GOLM1: variants seen among roughly 807,000 people sequenced by gnomAD.
GOLM1 encodes the protein golgi membrane protein 1.
Under a neutral mutation model 50.5 loss-of-function variants are expected in GOLM1, and 31 were observed. The ratio of observed to expected loss-of-function variants is 0.61; its 90% confidence interval spans 0.46 to 0.83. The LOEUF (loss-of-function observed/expected upper bound fraction) is 0.83. Among genes scored for constraint, GOLM1 ranks in the 40% least tolerant of loss-of-function variants. GOLM1 has a pLI of 0.00. For synonymous variants in GOLM1, 178 were observed against 192.8 expected (o/e 0.92, Z 0.64); for missense variants, 491 against 501.3 (o/e 0.98, Z 0.20).
chr9:86,095,986 T>C (rs915610277), intron 1 of GOLM1, among the ~76,000 whole-genome samples: 3 of 152,240 alleles, frequency 2.0e-5, no homozygotes, highest in African/African-American at 4.8e-5. Context: ...TGCATGAATT[T>C]TGGTGAGTTG....
chr9:86,035,764 G>C, intron 7 of GOLM1, 139 bp from the exon 8 acceptor site: 2 of 702,408 alleles, frequency 2.8e-6, no homozygotes, highest in Non-Finnish European at 2.3e-6. Context: ...GCACACAGGA[G>C]AACAACCAGG....
chr9:86,083,741 A>C (rs1054029619), intron 1 of GOLM1, among the ~76,000 whole-genome samples: 1 of 152,218 alleles, frequency 6.6e-6, no homozygotes. Context: ...GGAACTGTAC[A>C]TCCATCTCTG....
rs369731850 is a variant in GOLM1 at position 86,033,802 on chromosome 9, GAGA to G, written c.1016-410_1016-408del. On this transcript the variant is annotated intron_variant, in intron 8 of 9. Transcript: ENST00000388712. ...ATGGAGCTGCCACTGTGAGACACGTGAGAAGGTGTCCCTCATACTTAGAGCATG... is the reference window on the plus strand; with the variant it reads ...ATGGAGCTGCCACTGTGAGACACGTGAGGTGTCCCTCATACTTAGAGCATG... 1.2e-3 allele frequency among the ~76,000 whole-genome samples: 186 copies of G among 152,276 alleles called. 4 individuals are homozygous for G. In the South Asian group the frequency reaches 0.032, roughly 26 times the overall value.
At chr9:86,062,066 C>G (rs1834174539) in intron 3 of GOLM1, among the ~76,000 whole-genome samples, 1 of 152,182 alleles carries the variant, frequency 6.6e-6, no homozygotes, top group Admixed American at 6.5e-5. Flanking sequence ...GTAGGACACA[C>G]AGACACAGTT....
chr9:86,079,269 G>A lies in GOLM1; in HGVS notation c.52C>T (p.Leu18=), dbSNP rs1834716338. The A allele has an allele frequency of 1.2e-6, 2 of 1,610,162 alleles. No homozygotes were observed. The highest frequency in any genetic ancestry group is 3.4e-5 in the Admixed American group (2 of 59,700). ...ATGATGCAGGCCACCAGGGCGGCCAGCACGAGGGGCGGCGACTTCATGCTG... is the reference window on the plus strand; with the variant it reads ...ATGATGCAGGCCACCAGGGCGGCCAACACGAGGGGCGGCGACTTCATGCTG... The part of the protein sequence containing the change: ...RRSMKSPPLV[L]AALVACIIVL... The change falls in exon 2 of 10, where the codon CTG becomes TTG. Residue 18 remains leucine, a synonymous_variant. Transcript: ENST00000388712.
At chr9:86,060,843 A>C (rs1428644981) in intron 3 of GOLM1, among the ~76,000 whole-genome samples, 2 of 130,546 alleles carry the variant, frequency 1.5e-5, no homozygotes, top group Non-Finnish European at 1.6e-5. Context: ...GTGCCATTGC[A>C]CTCCAGCCTG....
chr9:86,031,485 G>C (rs1218004675), intron 9 of GOLM1, among the ~76,000 whole-genome samples: 2 of 133,590 alleles, frequency 1.5e-5, no homozygotes, highest in Admixed American at 1.6e-4. Context: ...CCCCGAGACG[G>C]AGTTTCACTC....
chr9:86,063,396 C>A (rs929746523), intron 3 of GOLM1, among the ~76,000 whole-genome samples: 1 of 152,102 alleles, frequency 6.6e-6, no homozygotes, highest in Non-Finnish European at 1.5e-5. Context: ...CTCCCACCTG[C>A]GGAAGAGGAG....
chr9:86,055,880 C>T (rs1436823802), intron 3 of GOLM1, among the ~76,000 whole-genome samples: 1 of 152,130 alleles, frequency 6.6e-6, no homozygotes, highest in African/African-American at 2.4e-5. Flanking sequence ...CGTGAATATC[C>T]TTCACATCAC....
At position 86,028,805 on chromosome 9, in the gene GOLM1, T is replaced by A. The variant is rs145035207; in HGVS notation, c.1130-912A>T. On this transcript the variant is annotated intron_variant, in intron 9 of 9. Transcript: ENST00000388712. ...TGTGGGGCACTGAAGAAGAAAGCCA[T>A]ACCCCCATTGCATGCCCTGTGAAGG... Among the ~76,000 whole-genome samples the A allele has an allele frequency of 5.2e-4, 78 of 150,736 alleles. 1 individual carries two copies. The East Asian group carries it at 0.014, about 27-fold the overall frequency.
intron 1 of GOLM1, among the ~76,000 whole-genome samples, chr9:86,085,884 C>T (rs187759128): frequency 6.6e-6 from 1 of 152,262 alleles, no homozygotes; most frequent in Admixed American, 6.5e-5. Context: ...CACTGATGGG[C>T]ATTTGGGTTG....
At chr9:86,039,244 AAAC>A (rs1355683226) in intron 6 of GOLM1, among the ~76,000 whole-genome samples, 1 of 152,220 alleles carries the variant, frequency 6.6e-6, no homozygotes, top group East Asian at 1.9e-4. Context: ...ATGCAAACCC[AAAC>A]AACGAGCTGC....
chr9:86,033,236 G>T, intron 9 of GOLM1, 46 bp downstream of exon 9: 1 of 1,038,738 alleles, frequency 9.6e-7, no homozygotes, highest in Non-Finnish European at 1.5e-6. Context: ...GACCAGGAAA[G>T]AGAAATGAAA....
At chr9:86,036,765 C>A in intron 6 of GOLM1, 2 of 468,076 alleles carry the variant, frequency 4.3e-6, no homozygotes. Context: ...TGAGAGGAAG[C>A]ATTTACGGAA....
chr9:86,037,436 CTCA>C (rs1587698158), intron 6 of GOLM1, among the ~76,000 whole-genome samples: 3 of 118,106 alleles, frequency 2.5e-5, no homozygotes, highest in South Asian at 5.9e-4. Context: ...GAGACTGTCT[CTCA>C]AAAAAAAAAA....
intron 1 of GOLM1, among the ~76,000 whole-genome samples, chr9:86,084,232 T>C (rs912874886): frequency 6.6e-6 from 1 of 152,318 alleles, no homozygotes; most frequent in Non-Finnish European, 1.5e-5. Flanking sequence ...GGGTCAAAAA[T>C]GTATGTTTTT....
chr9:86,052,311 T>C (rs1833779734), intron 4 of GOLM1, among the ~76,000 whole-genome samples: 1 of 152,216 alleles, frequency 6.6e-6, no homozygotes, highest in Non-Finnish European at 1.5e-5. Context: ...CACTCTTAAC[T>C]CTTCTGTACC....
chr9:86,037,453 A>G (rs920680659), intron 6 of GOLM1, among the ~76,000 whole-genome samples: 31 of 151,884 alleles, frequency 2.0e-4, no homozygotes, highest in African/African-American at 6.8e-4. Context: ...AAAAAAAAAA[A>G]AAAAAGAAAA....
intron 1 of GOLM1, among the ~76,000 whole-genome samples, chr9:86,080,418 G>A (rs1372545616): frequency 6.6e-6 from 1 of 152,172 alleles, no homozygotes; most frequent in African/African-American, 2.4e-5. Flanking sequence ...GCAACAAACA[G>A]CCTTTGAGCA....
Sources: gnomAD v4.1 joint callset for allele counts (sites outside exome capture counted in the v4.1 genomes callset) on GRCh38, gnomAD v4.1.1 for gene constraint, MANE v1.5 for transcripts, NCBI Gene and HGNC (gene_info 2026-07-23, HGNC 2026-07-21) for gene names.